Variants in KIRREL3 observed in about 807,000 individuals in gnomAD.
KIRREL3 encodes the protein kirre like nephrin family adhesion molecule 3, also known as kin of IRRE-like protein 3.
A neutral mutation model predicts 89.7 loss-of-function variants in KIRREL3; 36 were observed. The observed-to-expected ratio is 0.40, with a 90% CI of 0.31 to 0.53. The LOEUF (loss-of-function observed/expected upper bound fraction) is 0.53, where lower values mean the gene tolerates loss of function less well. Among genes scored for constraint, KIRREL3 ranks in the 20% least tolerant of loss-of-function variants. The pLI is 0.49. For missense variants in KIRREL3, 864 were observed against 1,056.6 expected, an observed-to-expected ratio of 0.82 and a Z score of 2.53; for synonymous variants, 445 against 441.4, an observed-to-expected ratio of 1.01 and a Z score of -0.10.
At chr11:126,618,864 G>A (rs1161993142) in intron 1 of KIRREL3, among the ~76,000 whole-genome samples, 2 of 152,156 alleles carry the variant, frequency 1.3e-5, no homozygotes, top group African/African-American at 2.4e-5. Flanking sequence ...TGAAAGACTC[G>A]TTAATGACTC....
rs747595493 is a variant in KIRREL3 at position 126,441,770 on chromosome 11, GTTGAGT to G, written c.1253-1227_1253-1222del. Among the ~76,000 whole-genome samples, 1 of 152,204 alleles carries G rather than the reference GTTGAGT, an allele frequency of 6.6e-6. No individual in the cohort carries two copies. Among genetic ancestry groups the G allele is most frequent in the Non-Finnish European group, 1.5e-5 (1 of 68,038 alleles). ...TACTGTAGACACTCCAGTGACTTCT[GTTGAGT>G]TTGAGAAGGCAAAAGGGCTCGGGGC... is the stretch of plus-strand genomic sequence containing the variant. On this transcript the variant is annotated intron_variant, in intron 10 of 16. Coordinates refer to ENST00000525144, the MANE Select transcript of KIRREL3 (RefSeq NM_032531.4). The surrounding 1 kb of genome is among the most constrained non-coding windows in gnomAD (Gnocchi z 5.0).
chr11:126,678,035 A>G (rs1946277838), intron 1 of KIRREL3, among the ~76,000 whole-genome samples: 2 of 152,118 alleles, frequency 1.3e-5, no homozygotes, highest in Non-Finnish European at 1.5e-5. Flanking sequence ...GGAACTTATC[A>G]TCTCATTATA....
At position 126,985,138 on chromosome 11, in the gene KIRREL3, C is replaced by T. The variant is rs1399586725; in HGVS notation, c.55+15317G>A. 2.0e-5 allele frequency among the ~76,000 whole-genome samples: 3 copies of T among 152,042 alleles called. No homozygotes were observed. The highest frequency in any genetic ancestry group is 4.4e-5 in the Non-Finnish European group (3 of 68,022). ...GGAGGACTCGGTGCTCATAGGTACT[C>T]GAGTTGTACAAGGCAATAATAATGA... is the stretch of plus-strand genomic sequence containing the variant. On this transcript the variant is annotated intron_variant, in intron 1 of 16. Transcript: ENST00000525144. This position sits in a 1 kb window ranked among gnomAD's most constrained non-coding sequence, Gnocchi z 5.3.
intron 1 of KIRREL3, among the ~76,000 whole-genome samples, chr11:126,962,279 G>T (rs567258932): frequency 1.3e-5 from 2 of 152,306 alleles, no homozygotes; most frequent in Non-Finnish European, 2.9e-5. Flanking sequence ...CATTCTAGAT[G>T]CCATTAAGAA....
intron 6 of KIRREL3, among the ~76,000 whole-genome samples, chr11:126,457,367 A>G (rs867763781): frequency 1.4e-5 from 1 of 73,082 alleles, no homozygotes; most frequent in African/African-American, 5.5e-5. Flanking sequence ...CTCTGTGTGT[A>G]TGCGTGTATG....
At chr11:126,457,529 A>G (rs1488093951) in intron 6 of KIRREL3, among the ~76,000 whole-genome samples, 1 of 151,732 alleles carries the variant, frequency 6.6e-6, no homozygotes, top group Non-Finnish European at 1.5e-5. Flanking sequence ...ATGTGTGTGT[A>G]GAGCGAGAGA....
intron 1 of KIRREL3, among the ~76,000 whole-genome samples, chr11:126,588,261 C>A (rs1031444047): frequency 6.6e-6 from 1 of 152,188 alleles, no homozygotes; most frequent in Non-Finnish European, 1.5e-5. Flanking sequence ...AGCTGTGTGG[C>A]CTTGCCCTTT....
chr11:126,554,917 A>C (rs1046912258), intron 2 of KIRREL3, among the ~76,000 whole-genome samples: 1 of 152,162 alleles, frequency 6.6e-6, no homozygotes, highest in Non-Finnish European at 1.5e-5. Context: ...CAGGGCAGCA[A>C]CTGGGCATCG....
intron 4 of KIRREL3, among the ~76,000 whole-genome samples, chr11:126,497,415 A>T (rs1449305895): frequency 1.3e-5 from 2 of 152,112 alleles, no homozygotes; most frequent in Non-Finnish European, 2.9e-5. Flanking sequence ...AGCATATTGC[A>T]AGTCAAAGGG....
chr11:126,667,336 A>T (rs1403332622), intron 1 of KIRREL3, among the ~76,000 whole-genome samples: 1 of 152,198 alleles, frequency 6.6e-6, no homozygotes, highest in Non-Finnish European at 1.5e-5. Context: ...TCTGATCAAA[A>T]CTGCTTGCCT....
rs73635326 is a variant in KIRREL3 at position 126,564,492 on chromosome 11, A to G, written c.56-1580T>C. Among the ~76,000 whole-genome samples the G allele has an allele frequency of 0.02, 3,039 of 152,298 alleles. 108 individuals are homozygous for G. Among genetic ancestry groups the G allele is most frequent in the African/African-American group, 0.069 (2,854 of 41,556 alleles). On this transcript the variant is annotated intron_variant, in intron 1 of 16. Transcript: ENST00000525144. The surrounding 1 kb of genome is among the most constrained non-coding windows in gnomAD (Gnocchi z 7.4). ...AGGGGTTTATTGACTATCAGTAAAG[A>G]GCAGAGAAGCAGATCTGAGGGCACT...
rs1008138654 is a variant in KIRREL3, at chr11:126,534,298, G to A, written c.134-7611C>T. ...GGGGGCGTCTCCCGGGCCAATGAGG[G>A]CTGGCTTGGCTCCGCATCTGACTGG... On this transcript the variant is annotated intron_variant, in intron 2 of 16. Coordinates refer to ENST00000525144, the MANE Select transcript of KIRREL3 (RefSeq NM_032531.4). 4.6e-5 allele frequency among the ~76,000 whole-genome samples: 7 copies of A among 152,310 alleles called. No individual in the cohort carries two copies. The East Asian group carries it at 1.4e-3, about 29-fold the overall frequency.
rs111485509 is a variant in KIRREL3, at chr11:126,979,677, G to A, written c.55+20778C>T. Among the ~76,000 whole-genome samples, 483 of 152,260 alleles carry A rather than the reference G, an allele frequency of 3.2e-3. 6 individuals carry two copies. Among genetic ancestry groups the A allele is most frequent in the African/African-American group, 0.011 (452 of 41,550 alleles). ...AACCTCACTAAGACTCAGTTTCCTC[G>A]TCAGCAAAATAGAAATAAGGGTGTT... On this transcript the variant is annotated intron_variant, in intron 1 of 16. Transcript: ENST00000525144.
intron 9 of KIRREL3, 100 bp downstream of exon 9, chr11:126,446,659 C>T (rs1955827161): frequency 1.5e-6 from 2 of 1,297,554 alleles, no homozygotes; most frequent in South Asian, 2.9e-5. Context: ...GGCTGACTCC[C>T]CCAGTCTAAT....
Position 126,668,760 on chromosome 11 carries a change from C to CTTTT in KIRREL3, c.56-105849_56-105848insAAAA, listed in dbSNP as rs1945804295. Among the ~76,000 whole-genome samples, 1 of 68,810 alleles carries CTTTT rather than the reference C, an allele frequency of 1.5e-5. No individual in the cohort carries two copies. Among genetic ancestry groups the CTTTT allele is most frequent in the Admixed American group, 1.8e-4 (1 of 5,664 alleles). The allele number at this position is 68,810 out of a possible 152,430, so 45.1% of individuals were successfully genotyped here. On this transcript the variant is annotated intron_variant, in intron 1 of 16. Coordinates refer to ENST00000525144, the MANE Select transcript of KIRREL3 (RefSeq NM_032531.4). This position sits in a 1 kb window ranked among gnomAD's most constrained non-coding sequence, Gnocchi z 4.4. ...TTCTTTCTTTCTTTCTTTCTTTTTT[C>CTTTT]TCTTTCTTTCTTTCAAAAAAGTTCA...
chr11:126,925,219 G>T (rs1284681775), intron 1 of KIRREL3, among the ~76,000 whole-genome samples: 3 of 151,874 alleles, frequency 2.0e-5, no homozygotes, highest in Admixed American at 6.6e-5. Context: ...GTAACAGAAA[G>T]GTTCCCTTCC....
rs1333717411 is a variant in KIRREL3, at chr11:126,750,608, GGAAA to G, written c.56-187700_56-187697del. On this transcript the variant is annotated intron_variant, in intron 1 of 16. Coordinates refer to ENST00000525144, the MANE Select transcript of KIRREL3 (RefSeq NM_032531.4). This position sits in a 1 kb window ranked among gnomAD's most constrained non-coding sequence, Gnocchi z 4.2. Reference sequence around the variant, plus strand: ...AAAGCTTCTACAGAACTGTTTAGTGGGAAAGAATCAACCTGTGTTGCCAATCATT... The same window carrying G: ...AAAGCTTCTACAGAACTGTTTAGTGGGAATCAACCTGTGTTGCCAATCATT... 2.6e-5 allele frequency among the ~76,000 whole-genome samples: 4 copies of G among 152,184 alleles called. No homozygotes were observed. Among genetic ancestry groups the G allele is most frequent in the African/African-American group, 9.7e-5 (4 of 41,438 alleles).
rs545653009 is a variant in KIRREL3, at chr11:126,668,056, T to C, written c.56-105144A>G. Among the ~76,000 whole-genome samples the C allele has an allele frequency of 6.6e-6, 1 of 152,322 alleles. No homozygotes were observed. Among genetic ancestry groups the C allele is most frequent in the African/African-American group, 2.4e-5 (1 of 41,566 alleles). ...ATTTCAGCCCCTCATAAGGGGTTGA[T>C]AGCTGAGCCCCTGTGTCTTAGTCAG... On this transcript the variant is annotated intron_variant, in intron 1 of 16. Transcript: ENST00000525144. This position sits in a 1 kb window ranked among gnomAD's most constrained non-coding sequence, Gnocchi z 4.4.
chr11:126,838,341 C>T (rs1943847116), intron 1 of KIRREL3, among the ~76,000 whole-genome samples: 1 of 152,176 alleles, frequency 6.6e-6, no homozygotes, highest in African/African-American at 2.4e-5. Context: ...GAAACTTCAA[C>T]AAGAAGACTG....
Sources: gnomAD v4.1 joint callset for allele counts (sites outside exome capture counted in the v4.1 genomes callset) on GRCh38, gnomAD v4.1.1 for gene constraint, Gnocchi (gnomAD v3.1) non-coding constraint, MANE v1.5 for transcripts, NCBI Gene and HGNC (gene_info 2026-07-23, HGNC 2026-07-21) for gene names.